IDUA: variants seen among roughly 807,000 people sequenced by gnomAD.
IDUA encodes the protein iduronidase alpha-L-.
In IDUA, 65 loss-of-function variants were observed where a neutral mutation model predicts 68.9. The observed-to-expected ratio is 0.94, with a 90% CI of 0.77 to 1.16. The LOEUF is 1.16. Among genes scored for constraint, IDUA ranks in the 50% most tolerant of loss-of-function variants. The pLI, the probability that IDUA is intolerant of heterozygous loss-of-function variation, is 0.00. For synonymous variants in IDUA, 529 were observed against 433.6 expected (o/e 1.22, Z -2.73); for missense variants, 1,046 against 938.0 (o/e 1.12, Z -1.50).
intron 4 of IDUA, 53 bp downstream of exon 4, chr4:1,001,042 A>T (rs574997275): frequency 1.2e-4 from 149 of 1,266,944 alleles, no homozygotes; most frequent in Non-Finnish European, 1.7e-4. Flanking sequence ...ACTCCTGGGC[A>T]GGTTGCACCC....
intron 2 of IDUA, chr4:988,797 G>A (rs1416275484): frequency 1.3e-6 from 2 of 1,507,800 alleles, no homozygotes; most frequent in Non-Finnish European, 1.8e-6. Context: ...TGGGTCCCCA[G>A]GAGGGAGCAG....
intron 12 of IDUA, 51 bp from the exon 13 acceptor site, chr4:1,003,961 C>A: frequency 6.8e-7 from 1 of 1,470,710 alleles, no homozygotes; most frequent in Non-Finnish European, 9.5e-7. Context: ...CCTGCTCCCA[C>A]CTTTGAGGAC....
intron 1 of IDUA, 87 bp from the exon 2 acceptor site, chr4:987,722 G>T: frequency 6.3e-7 from 1 of 1,585,812 alleles, no homozygotes; most frequent in South Asian, 1.1e-5. Flanking sequence ...TCCTGCGCCC[G>T]GGCAGTCCTG....
rs371616275 is a variant in IDUA, at chr4:991,491, G to T, written c.299+3542G>T. The T allele has an allele frequency of 5.5e-5, 89 of 1,610,454 alleles. 1 individual carries two copies. In the South Asian group the frequency reaches 8.5e-4, roughly 15 times the overall value. The stretch of plus-strand genomic sequence containing the variant: ...CGATGACCAGCCCAGACATGACGTC[G>T]CCTGCCAGGTACTCCCGCGGGCGGT... On this transcript the variant is annotated intron_variant, in intron 2 of 13. Coordinates refer to ENST00000514224, the MANE Select transcript of IDUA (RefSeq NM_000203.5).
chr4:987,348 G>C (rs1198120561), intron 1 of IDUA, 106 bp downstream of exon 1: 1 of 1,127,000 alleles, frequency 8.9e-7, no homozygotes, highest in Non-Finnish European at 1.2e-6. Context: ...CCCTCCTCTG[G>C]GGCCCTGGCT....
At chr4:989,916 C>T (rs1386626639) in intron 2 of IDUA, 1 of 1,560,966 alleles carries the variant, frequency 6.4e-7, no homozygotes, top group Non-Finnish European at 8.7e-7. Context: ...CATCCAAAGC[C>T]ACACGCTGCA....
chr4:995,536 G>A (rs996466909), intron 2 of IDUA, among the ~76,000 whole-genome samples: 3 of 152,202 alleles, frequency 2.0e-5, no homozygotes, highest in Admixed American at 2.0e-4. Flanking sequence ...GGGTGGGGCT[G>A]GAAGGCCAAC....
At chr4:998,986 C>T (rs561033169) in intron 2 of IDUA, among the ~76,000 whole-genome samples, 12 of 151,986 alleles carry the variant, frequency 7.9e-5, no homozygotes, top group South Asian at 2.1e-4. Flanking sequence ...GGGCGGATCA[C>T]GAGGTCAGGA....
At chr4:990,483 G>A (rs976046653) in intron 2 of IDUA, 18 of 996,418 alleles carry the variant, frequency 1.8e-5, no homozygotes, top group Admixed American at 1.1e-4. Flanking sequence ...TCTGTGTTGC[G>A]GCCCCGTGTG....
chr4:988,424 G>C, intron 2 of IDUA: 1 of 1,071,262 alleles, frequency 9.3e-7, no homozygotes, highest in Non-Finnish European at 1.1e-6. Context: ...AGAGCCGCTG[G>C]CTCCTACCAG....
Position 990,170 on chromosome 4 carries a change from C to T in IDUA, c.299+2221C>T, listed in dbSNP as rs781421120. 44 of 1,560,264 alleles carry T rather than the reference C, an allele frequency of 2.8e-5. No individual in the cohort carries two copies. Among genetic ancestry groups the T allele is most frequent in the South Asian group, 4.7e-5 (4 of 84,934 alleles). ...ACCACGTCGCACACGTTGGCCTGCC[C>T]GGCGCCGCGCAGCAGGCTCAGCCAT... On this transcript the variant is annotated intron_variant, in intron 2 of 13. Transcript: ENST00000514224.
chr4:991,984 T>A, intron 2 of IDUA: 1 of 714,794 alleles, frequency 1.4e-6, no homozygotes, highest in African/African-American at 1.7e-5. Context: ...TGGGGTGTGC[T>A]GAGGCCAGCA....
intron 6 of IDUA, 29 bp downstream of exon 6, chr4:1,001,910 T>G (rs1715106297): frequency 6.4e-7 from 1 of 1,570,388 alleles, no homozygotes; most frequent in Non-Finnish European, 8.6e-7. Flanking sequence ...TCCGCCCCGG[T>G]GTTCTGCGCC....
In IDUA at chr4:991,532, G is replaced by A. The variant is rs374437968; in HGVS notation, c.299+3583G>A. 580 of 1,606,290 alleles carry A rather than the reference G, an allele frequency of 3.6e-4. 7 individuals are homozygous for A. In the South Asian group the frequency reaches 5.8e-3, roughly 16 times the overall value. The stretch of plus-strand genomic sequence containing the variant: ...CGCGGGCGGTACTGACGCAGCCAGC[G>A]CGTGGCGGGGAGCAGGTCCTGCACC... On this transcript the variant is annotated intron_variant, in intron 2 of 13. Transcript: ENST00000514224.
Position 1,003,046 on chromosome 4 carries a change from C to G in IDUA, c.1413C>G (p.Tyr471Ter). 1 of 1,511,140 alleles carries G rather than the reference C, an allele frequency of 6.6e-7. No individual in the cohort carries two copies. The highest frequency in any genetic ancestry group is 8.8e-7 in the Non-Finnish European group (1 of 1,138,798). The allele number at this position is 1,511,140 out of a possible 1,614,324, so 93.6% of individuals were successfully genotyped here. A position where few individuals can be genotyped will look rare whatever the true frequency, so the allele number is the denominator to read the frequency against. The part of the protein sequence containing the change: ...RGVPPGPGLV[Y>*]VTRYLDNGLC... ...TGTCAGGCCCCGCAGGCCTGGTCTA[C>G]GTCACGCGCTACCTGGACAACGGGC... is the stretch of plus-strand genomic sequence containing the variant. The change falls in exon 10 of 14, where the codon TAC (tyrosine) becomes TAG (stop). Residue 471 changes from tyrosine (Y) to a stop codon, truncating the protein, a stop_gained. Coordinates refer to ENST00000514224, the MANE Select transcript of IDUA (RefSeq NM_000203.5). LOFTEE classifies it high-confidence loss of function.
chr4:1,003,495 G>A (rs1366036966), intron 11 of IDUA, 25 bp downstream of exon 11: 4 of 1,593,798 alleles, frequency 2.5e-6, no homozygotes, highest in African/African-American at 2.7e-5. Flanking sequence ...CCTAACCCGC[G>A]CCGCGGCCCG....
intron 12 of IDUA, 105 bp downstream of exon 12, chr4:1,003,730 G>T (rs986867977): frequency 7.7e-7 from 1 of 1,305,880 alleles, no homozygotes; most frequent in Non-Finnish European, 1.1e-6. Context: ...GTGGCCCATC[G>T]GCTCCCTCCC....
In IDUA at chr4:987,050, G is replaced by C. The variant is rs770958734; in HGVS notation, c.-35G>C. ...ACCCGGAGGCGGAACCGGCAGTGCA[G>C]CCCGAAGCCCCGCAGTCCCCGAGCA... On this transcript the variant is annotated 5_prime_UTR_variant, in exon 1 of 14. Transcript: ENST00000514224. 2 of 1,514,490 alleles carry C rather than the reference G, an allele frequency of 1.3e-6. No homozygotes were observed. Among genetic ancestry groups the C allele is most frequent in the South Asian group, 2.4e-5 (2 of 82,784 alleles). The allele number at this position is 1,514,490 out of a possible 1,614,324, so 93.8% of individuals were successfully genotyped here.
rs387907487 is a variant in IDUA at position 989,491 on chromosome 4, A to T, written c.299+1542A>T. The T allele has an allele frequency of 1.3e-4, 209 of 1,554,208 alleles. 1 individual carries two copies. Among genetic ancestry groups the T allele is most frequent in the Middle Eastern group, 5.0e-4 (3 of 5,962 alleles). On this transcript the variant is annotated intron_variant, in intron 2 of 13. Transcript: ENST00000514224. ...CAGCAGCCCGGCCTCTGTGCTGACC[A>T]GCATACAGGTGGCCGCGGTGCCTGC...
Sources: gnomAD v4.1 joint callset for allele counts (sites outside exome capture counted in the v4.1 genomes callset) on GRCh38, gnomAD v4.1.1 for gene constraint, MANE v1.5 for transcripts, NCBI Gene and HGNC (gene_info 2026-07-23, HGNC 2026-07-21) for gene names.